Variants in LRP6 observed in about 807,000 individuals in gnomAD.
LRP6 encodes low-density lipoprotein receptor-related protein 6.
A neutral mutation model predicts 184.1 loss-of-function variants in LRP6; 43 were observed. The ratio of observed to expected loss-of-function variants is 0.23; its 90% CI spans 0.18 to 0.30. LRP6 has a LOEUF of 0.30. LRP6 is among the 10% of genes least tolerant of loss of function. The probability of loss-of-function intolerance (pLI) is 1.00; values close to 1 mark genes in which losing one functional copy is unlikely to be tolerated. For missense variants in LRP6, 1,571 were observed against 2,005.3 expected, an observed-to-expected ratio of 0.78 and a Z score of 4.14; for synonymous variants, 719 against 684.9, an observed-to-expected ratio of 1.05 and a Z score of -0.78.
Position 12,120,531 on chromosome 12 carries a change from T to C in LRP6, c.*595A>G, listed in dbSNP as rs539124308. The C allele has an allele frequency of 1.3e-5, 2 of 152,384 alleles. No homozygotes were observed. The highest frequency in any genetic ancestry group is 1.3e-4 in the Admixed American group (2 of 15,292). The allele number at this position is 152,384 out of a possible 1,614,324, so 9.4% of individuals were successfully genotyped here. On this transcript the variant is annotated 3_prime_UTR_variant, in exon 23 of 23. Transcript: ENST00000261349. The stretch of plus-strand genomic sequence containing the variant: ...TCTCCTACAACAGCAACACCCAGAA[T>C]GGGTTTTTAGAAATATCTACTTTCC...
intron 7 of LRP6, among the ~76,000 whole-genome samples, chr12:12,171,100 TCTCTA>T (rs113302505): frequency 0.045 from 6,922 of 152,252 alleles, 515 homozygotes; most frequent in African/African-American, 0.16. Flanking sequence ...TTCATGGTCG[TCTCTA>T]CTCTGCTTTC....
intron 2 of LRP6, among the ~76,000 whole-genome samples, chr12:12,210,492 A>T (rs1864180214): frequency 6.6e-6 from 1 of 152,208 alleles, no homozygotes; most frequent in African/African-American, 2.4e-5. Flanking sequence ...AATAAGTGAA[A>T]GTTGGTTAGA....
chr12:12,154,429 C>T (rs1320810693), intron 12 of LRP6, among the ~76,000 whole-genome samples: 1 of 152,206 alleles, frequency 6.6e-6, no homozygotes, highest in African/African-American at 2.4e-5. Flanking sequence ...CACCTAACCC[C>T]TGACATAATT....
intron 2 of LRP6, among the ~76,000 whole-genome samples, chr12:12,234,869 T>G (rs1049280845): frequency 6.9e-6 from 1 of 145,572 alleles, no homozygotes; most frequent in African/African-American, 2.5e-5. Flanking sequence ...AGAACGGAGA[T>G]ATAATAAAAG....
chr12:12,145,267 CCTAA>C (rs1397201968), intron 15 of LRP6, among the ~76,000 whole-genome samples: 18 of 151,384 alleles, frequency 1.2e-4, no homozygotes, highest in Admixed American at 5.9e-4. Flanking sequence ...TAAGTGTGTG[CCTAA>C]CTGTCTGGAA....
In LRP6 at chr12:12,121,202, G is replaced by T; in HGVS notation, c.4766C>A (p.Pro1589His). Reference protein sequence around the residue: ...SAEENYESCPPSPYTERSYSH... With the variant: ...SAEENYESCPHSPYTERSYSH... ...ATAGCTCCTCTCTGTGTATGGAGAA[G>T]GTGGGCAGCTTTCATAGTTCTCCTC... The change falls in exon 23 of 23, where the codon CCT becomes CAT. Residue 1589 changes from proline (P) to histidine (H), a missense_variant. Physicochemically the swap from Pro to His is moderately conservative, Grantham distance 77 (BLOSUM62 -2). This residue lies in a region of LRP6 where 763 missense variants were observed against 859.5 expected (regional missense o/e 0.89). Coordinates refer to ENST00000261349, the MANE Select transcript of LRP6 (RefSeq NM_002336.3). 2 of 1,614,148 alleles carry T rather than the reference G, an allele frequency of 1.2e-6. No individual in the cohort carries two copies. The highest frequency in any genetic ancestry group is 2.2e-5 in the South Asian group (2 of 91,080).
At chr12:12,188,225 A>G (rs1346142374) in intron 3 of LRP6, among the ~76,000 whole-genome samples, 3 of 148,788 alleles carry the variant, frequency 2.0e-5, no homozygotes, top group African/African-American at 7.4e-5. Context: ...AAAAAAAAAG[A>G]AAAAAAAAAG....
rs1389144717 is a variant in LRP6 at position 12,120,070 on chromosome 12, G to A, written c.*1056C>T. The A allele has an allele frequency of 7.8e-6, 1 of 129,020 alleles. No homozygotes were observed. The highest frequency in any genetic ancestry group is 8.6e-5 in the Admixed American group (1 of 11,638). The allele number at this position is 129,020 out of a possible 1,614,324, so 8.0% of individuals were successfully genotyped here. On this transcript the variant is annotated 3_prime_UTR_variant, in exon 23 of 23. Coordinates refer to ENST00000261349, the MANE Select transcript of LRP6 (RefSeq NM_002336.3). ...ATGATTTCGTACTGTGATATATGCTGAAAGTAGTGCAAGGATATGAGATTT... is the reference window on the plus strand; with the variant it reads ...ATGATTTCGTACTGTGATATATGCTAAAAGTAGTGCAAGGATATGAGATTT...
intron 10 of LRP6, 59 bp downstream of exon 10, chr12:12,162,134 G>A: frequency 7.9e-7 from 1 of 1,262,432 alleles, no homozygotes; most frequent in South Asian, 1.2e-5. Flanking sequence ...CTGTAACTAT[G>A]CCATGTTCCC....
chr12:12,260,308 G>A (rs1865579671), intron 1 of LRP6, among the ~76,000 whole-genome samples: 1 of 151,772 alleles, frequency 6.6e-6, no homozygotes, highest in South Asian at 2.1e-4. Context: ...AACCCGGGGG[G>A]CGGAGCTTGC....
intron 2 of LRP6, among the ~76,000 whole-genome samples, chr12:12,227,702 C>T (rs1445539979): frequency 6.6e-6 from 1 of 152,150 alleles, no homozygotes; most frequent in African/African-American, 2.4e-5. Flanking sequence ...AGTCACCACA[C>T]CTGGCCTTTT....
In LRP6 at chr12:12,119,993, AT is replaced by A. The variant is rs1565518844; in HGVS notation, c.*1132del. The A allele has an allele frequency of 2.1e-3, 27 of 12,562 alleles. No homozygotes were observed. Among genetic ancestry groups the A allele is most frequent in the Admixed American group, 6.4e-3 (10 of 1,568 alleles). The allele number at this position is 12,562 out of a possible 1,614,324, so 0.8% of individuals were successfully genotyped here. On this transcript the variant is annotated 3_prime_UTR_variant, in exon 23 of 23. Coordinates refer to ENST00000261349, the MANE Select transcript of LRP6 (RefSeq NM_002336.3). ...CAGAAAACAAACAAACAAACAAAAT[AT>A]ATATATATATATATATATATATATA...
intron 7 of LRP6, among the ~76,000 whole-genome samples, chr12:12,179,361 A>AAGATAGATAT (rs1555112316): frequency 3.6e-5 from 3 of 83,790 alleles, no homozygotes; most frequent in Admixed American, 1.5e-4. Flanking sequence ...ACAGCAATAA[A>AAGATAGATAT]AGATATAGAT....
At chr12:12,201,818 TA>T (rs1863919719) in intron 3 of LRP6, among the ~76,000 whole-genome samples, 2 of 152,236 alleles carry the variant, frequency 1.3e-5, no homozygotes, top group Admixed American at 1.3e-4. Flanking sequence ...TAAATTTACT[TA>T]AAACCACATT....
rs755962680 is a variant in LRP6 at position 12,158,860 on chromosome 12, G to A, written c.2760C>T (p.Tyr920=). Residue 920 remains tyrosine (Y), a synonymous_variant, in exon 12 of 23, where the codon TAC becomes TAT. Transcript: ENST00000261349. ...AAGTCCTGTTGTCAGCATTAAGAGA[G>A]TAGTGGGCAGGGCATCCACAAACAA... The part of the protein sequence containing the change: ...GGFVCGCPAH[Y]SLNADNRTCS... 6.8e-6 allele frequency: 11 copies of A among 1,614,090 alleles called. No individual in the cohort carries two copies. The highest frequency in any genetic ancestry group is 8.5e-6 in the Non-Finnish European group (10 of 1,180,046).
intron 1 of LRP6, among the ~76,000 whole-genome samples, chr12:12,253,135 G>A (rs371784144): frequency 5.9e-5 from 9 of 152,218 alleles, no homozygotes; most frequent in African/African-American, 9.6e-5. Context: ...GTGGTGGCGC[G>A]TGCCTGTAAT....
intron 15 of LRP6, among the ~76,000 whole-genome samples, chr12:12,139,797 C>A (rs1949904147): frequency 6.6e-6 from 1 of 151,832 alleles, no homozygotes; most frequent in Non-Finnish European, 1.5e-5. Flanking sequence ...GGCAGAAGAA[C>A]AGAAGAGAGC....
intron 12 of LRP6, chr12:12,155,696 G>C: frequency 1.0e-6 from 1 of 963,816 alleles, no homozygotes; most frequent in East Asian, 2.4e-5. Context: ...GCTCCACCCA[G>C]AGAAGCATAT....
intron 2 of LRP6, among the ~76,000 whole-genome samples, chr12:12,218,232 G>C (rs1342872466): frequency 6.6e-6 from 1 of 152,102 alleles, no homozygotes; most frequent in Non-Finnish European, 1.5e-5. Context: ...CAGCGACTGG[G>C]GAGGCCAAAG....
Sources: gnomAD v4.1 joint callset for allele counts (sites outside exome capture counted in the v4.1 genomes callset) on GRCh38, gnomAD v4.1.1 for gene constraint, gnomAD v4.1.1 regional missense constraint, MANE v1.5 for transcripts, NCBI Gene and HGNC (gene_info 2026-07-23, HGNC 2026-07-21) for gene names.